The following MYO16 variants were observed in gnomAD, a reference collection of about 807,000 sequenced individuals.
The protein encoded by MYO16 is unconventional myosin-XVI.
In MYO16, 94 loss-of-function variants were observed where a neutral mutation model predicts 205.3. The observed-to-expected ratio is 0.46, with a 90% CI of 0.39 to 0.54. The LOEUF is 0.54. Among genes scored for constraint, MYO16 ranks in the 20% least tolerant of loss-of-function variants. The probability of loss-of-function intolerance (pLI) is 0.00; values close to 1 mark genes in which losing one functional copy is unlikely to be tolerated. For missense variants in MYO16, 2,315 were observed against 2,387.5 expected (o/e 0.97, Z 0.63); for synonymous variants, 988 against 954.0 (o/e 1.04, Z -0.66).
At chr13:108,933,456 A>G (rs921059598) in intron 16 of MYO16, among the ~76,000 whole-genome samples, 3 of 152,054 alleles carry the variant, frequency 2.0e-5, no homozygotes, top group African/African-American at 7.2e-5. Context: ...AGGTTATTTT[A>G]AGATATATTA....
chr13:108,551,850 T>C, the MYO16 span, among the ~76,000 whole-genome samples: 4 of 152,310 alleles, frequency 2.6e-5, no homozygotes, highest in African/African-American at 7.2e-5. Context: ...CCTGAGGCAA[T>C]GGTAGCTTCC....
intron 16 of MYO16, among the ~76,000 whole-genome samples, chr13:108,946,066 A>T (rs547787026): frequency 6.6e-6 from 1 of 152,276 alleles, no homozygotes; most frequent in Non-Finnish European, 1.5e-5. Flanking sequence ...TAATTATCTT[A>T]TCAGTGAAGG....
intron 27 of MYO16, among the ~76,000 whole-genome samples, chr13:109,079,846 T>C (rs1004344138): frequency 2.6e-5 from 4 of 151,838 alleles, no homozygotes; most frequent in African/African-American, 9.7e-5. Context: ...TCTGCAATGA[T>C]GGTTTTGTTT....
Position 109,206,647 on chromosome 13 carries a change from G to A in MYO16, c.5454G>A (p.Val1818=), listed in dbSNP as rs1880608621. 3 of 1,613,852 alleles carry A rather than the reference G, an allele frequency of 1.9e-6. No homozygotes were observed. The highest frequency in any genetic ancestry group is 1.7e-5 in the Admixed American group (1 of 59,976). ...HQLRLSENES[V]ALQELLDWRR... ...TGAGGCTCTCAGAGAATGAAAGTGTGGCCCTGCAGGAACTCTTGGACTGGA... is the reference window on the plus strand; with the variant it reads ...TGAGGCTCTCAGAGAATGAAAGTGTAGCCCTGCAGGAACTCTTGGACTGGA... Residue 1818 remains valine (V), a synonymous_variant, in exon 35 of 35, where the codon GTG becomes GTA. Transcript: ENST00000457511.
Position 108,957,744 on chromosome 13 carries a change from G to A in MYO16, c.1982G>A (p.Arg661Lys), listed in dbSNP as rs1883429859. ...DASTGERSLNREKLAVLKRAL... is the reference protein window; with the variant it reads ...DASTGERSLNKEKLAVLKRAL... ...TCCACAGGGGAGCGTTCTCTGAACA[G>A]GGAGAAATTGGCTGTTTTGAAACGA... The change falls in exon 17 of 35, where the codon AGG (arginine) becomes AAG (lysine). Residue 661 changes from arginine (R) to lysine (K), a missense_variant. Physicochemically the swap from Arg to Lys is conservative, Grantham distance 26. Around this residue, in one of 3 missense-constraint regions of MYO16, gnomAD observed 1,213 missense variants for 1,274.4 expected, o/e 0.95. Coordinates refer to ENST00000457511, the MANE Select transcript of MYO16 (RefSeq NM_001198950.3). The A allele has an allele frequency of 6.2e-7, 1 of 1,613,950 alleles. No individual in the cohort carries two copies. Among genetic ancestry groups the A allele is most frequent in the Admixed American group, 1.7e-5 (1 of 60,032 alleles).
chr13:108,687,073 T>C (rs1594209544), intron 2 of MYO16, among the ~76,000 whole-genome samples: 2 of 152,258 alleles, frequency 1.3e-5, no homozygotes, highest in Non-Finnish European at 2.9e-5. Context: ...AAGGGAGCTA[T>C]ATAACTTTGC....
chr13:108,739,022 T>C (rs903720575), intron 4 of MYO16, among the ~76,000 whole-genome samples: 11 of 152,248 alleles, frequency 7.2e-5, no homozygotes, highest in African/African-American at 2.7e-4. Context: ...GTTTTGAGCC[T>C]ATGTGCATCT....
the MYO16 span, among the ~76,000 whole-genome samples, chr13:108,578,066 G>A: frequency 6.6e-6 from 1 of 152,290 alleles, no homozygotes; most frequent in South Asian, 2.1e-4. Context: ...GAAGTTTTCA[G>A]GATTAAATTA....
chr13:109,108,052 G>A (rs958547609), intron 28 of MYO16, among the ~76,000 whole-genome samples: 11 of 152,050 alleles, frequency 7.2e-5, no homozygotes, highest in African/African-American at 2.4e-4. Flanking sequence ...TATTTGGTGC[G>A]TATTCATTCA....
At chr13:109,057,627 C>T (rs1301195184) in intron 27 of MYO16, among the ~76,000 whole-genome samples, 8 of 151,952 alleles carry the variant, frequency 5.3e-5, no homozygotes, top group South Asian at 2.1e-4. Flanking sequence ...TCAGAGATGC[C>T]GAACCTGTTA....
chr13:108,837,754 A>C (rs1877003561), intron 9 of MYO16, among the ~76,000 whole-genome samples: 1 of 152,226 alleles, frequency 6.6e-6, no homozygotes, highest in Non-Finnish European at 1.5e-5. Context: ...GGAGTCTGCC[A>C]GTGATACTGC....
At chr13:109,102,161 A>G (rs1372157628) in intron 28 of MYO16, among the ~76,000 whole-genome samples, 2 of 152,126 alleles carry the variant, frequency 1.3e-5, no homozygotes, top group East Asian at 3.9e-4. Flanking sequence ...AAGCTTACTC[A>G]GTCTGAAGTT....
chr13:108,798,912 A>G (rs1886885369), intron 6 of MYO16, among the ~76,000 whole-genome samples: 2 of 142,828 alleles, frequency 1.4e-5, no homozygotes, highest in Middle Eastern at 3.5e-3. Flanking sequence ...TCACCTTGTT[A>G]GCCGGGATGG....
chr13:108,852,191 C>T (rs1269503023), intron 10 of MYO16, among the ~76,000 whole-genome samples: 1 of 152,166 alleles, frequency 6.6e-6, no homozygotes, highest in Non-Finnish European at 1.5e-5. Context: ...ACATTTTGTA[C>T]TTGTCATTTC....
intron 11 of MYO16, among the ~76,000 whole-genome samples, 157 bp from the exon 12 acceptor site, chr13:108,866,020 T>A (rs1485802343): frequency 6.6e-6 from 1 of 152,100 alleles, no homozygotes; most frequent in Non-Finnish European, 1.5e-5. Flanking sequence ...TTCCAAACTT[T>A]AAAAAAATTG....
At chr13:108,665,859 G>C in intron 1 of MYO16, 27 bp from the exon 2 acceptor site, 1 of 1,604,512 alleles carries the variant, frequency 6.2e-7, no homozygotes, top group South Asian at 1.1e-5. Context: ...AATAGGTCTG[G>C]TGACGCTCCC....
In MYO16 at chr13:108,914,139, T is replaced by C. The variant is rs376518314; in HGVS notation, c.1925+3989T>C. 2.0e-5 allele frequency among the ~76,000 whole-genome samples: 3 copies of C among 149,088 alleles called. No homozygotes were observed. The East Asian group carries it at 5.8e-4, about 29-fold the overall frequency. ...TTTACTATTGTTAATATATGTATTATATATACTATATTATATGTAGTATAT... is the reference window on the plus strand; with the variant it reads ...TTTACTATTGTTAATATATGTATTACATATACTATATTATATGTAGTATAT... On this transcript the variant is annotated intron_variant, in intron 16 of 34. Coordinates refer to ENST00000457511, the MANE Select transcript of MYO16 (RefSeq NM_001198950.3).
At chr13:108,630,010 T>C (rs1879903861) in intron 1 of MYO16, 138 bp downstream of exon 1, 2 of 610,554 alleles carry the variant, frequency 3.3e-6, no homozygotes, top group Non-Finnish European at 5.4e-6. Flanking sequence ...TAGAAGAATA[T>C]TTTACAGGCT....
chr13:108,807,765 G>A (rs1173729602), intron 7 of MYO16, among the ~76,000 whole-genome samples: 1 of 152,160 alleles, frequency 6.6e-6, no homozygotes, highest in African/African-American at 2.4e-5. Context: ...CATAATTAAT[G>A]GGGAGGAGCA....
Sources: gnomAD v4.1 joint callset for allele counts (sites outside exome capture counted in the v4.1 genomes callset) on GRCh38, gnomAD v4.1.1 for gene constraint, gnomAD v4.1.1 regional missense constraint, MANE v1.5 for transcripts, NCBI Gene and HGNC (gene_info 2026-07-23, HGNC 2026-07-21) for gene names.